The following SGCZ variants were observed in gnomAD, a reference collection of about 807,000 sequenced individuals.
SGCZ encodes the protein zeta-sarcoglycan.
In SGCZ, 40 loss-of-function variants were observed where a neutral mutation model predicts 41.3. The ratio of observed to expected loss-of-function variants is 0.97; its 90% confidence interval spans 0.75 to 1.26. SGCZ has a LOEUF of 1.26. Among genes scored for constraint, SGCZ ranks in the 50% most tolerant of loss-of-function variants. SGCZ has a pLI of 0.00. For synonymous variants in SGCZ, 206 were observed against 137.5 expected, an observed-to-expected ratio of 1.50 and a Z score of -3.49; for missense variants, 552 against 369.8, an observed-to-expected ratio of 1.49 and a Z score of -4.04.
chr8:14,530,422 T>C (rs950024863), intron 2 of SGCZ, among the ~76,000 whole-genome samples: 6 of 152,112 alleles, frequency 3.9e-5, no homozygotes, highest in Non-Finnish European at 7.4e-5. Flanking sequence ...ATCATGTTTT[T>C]ATTTGATAAT....
chr8:15,161,163 C>A (rs1799502314), intron 1 of SGCZ, among the ~76,000 whole-genome samples: 1 of 152,088 alleles, frequency 6.6e-6, no homozygotes, highest in African/African-American at 2.4e-5. Flanking sequence ...GTGGGTCCAA[C>A]CCCATTGAAC....
intron 1 of SGCZ, among the ~76,000 whole-genome samples, chr8:14,764,737 T>C (rs1405336467): frequency 6.6e-6 from 1 of 152,092 alleles, no homozygotes; most frequent in African/African-American, 2.4e-5. Flanking sequence ...TCAAGAAGAA[T>C]TAAAAACAAT....
chr8:14,712,369 A>G (rs1809548689), intron 1 of SGCZ, among the ~76,000 whole-genome samples: 1 of 152,118 alleles, frequency 6.6e-6, no homozygotes, highest in African/African-American at 2.4e-5. Flanking sequence ...CTTTCACTTA[A>G]ACCTCATGGA....
intron 2 of SGCZ, among the ~76,000 whole-genome samples, chr8:14,518,405 G>A (rs1023291258): frequency 2.6e-5 from 4 of 151,710 alleles, no homozygotes; most frequent in African/African-American, 7.3e-5. Flanking sequence ...AATAAATATC[G>A]GCCTATTTTC....
chr8:15,100,592 C>T (rs979190194), intron 1 of SGCZ, among the ~76,000 whole-genome samples: 35 of 152,234 alleles, frequency 2.3e-4, no homozygotes, highest in African/African-American at 8.2e-4. Context: ...TAGACATTAA[C>T]AAATTCAAAT....
intron 1 of SGCZ, among the ~76,000 whole-genome samples, chr8:15,033,763 T>TA (rs1323532346): frequency 2.0e-5 from 3 of 152,108 alleles, no homozygotes; most frequent in South Asian, 4.1e-4. Context: ...GACCCAGGAT[T>TA]CAGGTTGTCT....
chr8:14,277,890 C>A (rs1358748817), intron 3 of SGCZ, among the ~76,000 whole-genome samples: 1 of 151,792 alleles, frequency 6.6e-6, no homozygotes, highest in Non-Finnish European at 1.5e-5. Flanking sequence ...AGATTAACCA[C>A]CAGAGAGAGA....
At chr8:14,197,333 C>A (rs1401888387) in intron 4 of SGCZ, among the ~76,000 whole-genome samples, 2 of 151,974 alleles carry the variant, frequency 1.3e-5, no homozygotes, top group Non-Finnish European at 2.9e-5. Flanking sequence ...TACACAGCTA[C>A]AACAAGAAGG....
chr8:14,805,622 T>A (rs1801494947), intron 1 of SGCZ, among the ~76,000 whole-genome samples: 1 of 143,062 alleles, frequency 7.0e-6, no homozygotes, highest in Non-Finnish European at 1.6e-5. Context: ...CTCCCACACA[T>A]TAATAATGGG....
intron 2 of SGCZ, among the ~76,000 whole-genome samples, chr8:14,521,919 T>C (rs1453887623): frequency 6.6e-6 from 1 of 152,128 alleles, no homozygotes; most frequent in Non-Finnish European, 1.5e-5. Context: ...TACGTCAATT[T>C]AAGGAAGTTT....
intron 2 of SGCZ, among the ~76,000 whole-genome samples, chr8:14,515,016 T>C (rs1802580325): frequency 6.6e-6 from 1 of 152,016 alleles, no homozygotes; most frequent in South Asian, 2.1e-4. Context: ...TTACATCAAG[T>C]ATATTTTATA....
chr8:15,089,195 CG>C (rs1384081640), intron 1 of SGCZ, among the ~76,000 whole-genome samples: 2 of 151,908 alleles, frequency 1.3e-5, no homozygotes, highest in Non-Finnish European at 2.9e-5. Context: ...TCTAATGATT[CG>C]ATATAAAAAT....
chr8:14,677,665 G>A (rs1220714316), intron 1 of SGCZ, among the ~76,000 whole-genome samples: 2 of 152,110 alleles, frequency 1.3e-5, no homozygotes, highest in South Asian at 2.1e-4. Flanking sequence ...AAGCTACTCA[G>A]GAGGCTGAGG....
chr8:14,364,340 A>G (rs13252836), intron 2 of SGCZ, among the ~76,000 whole-genome samples: 2 of 151,986 alleles, frequency 1.3e-5, no homozygotes, highest in African/African-American at 4.8e-5. Flanking sequence ...ATTTTGCTAC[A>G]TCCCCTTCTG....
In SGCZ at chr8:15,237,461, A is replaced by C. The variant is rs75264056; in HGVS notation, c.39+124T>G. Reference sequence around the variant, plus strand: ...CTGCGCCCGGGTGCGCGTCCCCCCAACGCCCCCTCGTCGTCCCGCGGGACC... The same window carrying C: ...CTGCGCCCGGGTGCGCGTCCCCCCACCGCCCCCTCGTCGTCCCGCGGGACC... On this transcript the variant is annotated intron_variant, in intron 1 of 7. Transcript: ENST00000382080. 2.1e-3 allele frequency: 2,536 copies of C among 1,183,982 alleles called. 45 individuals carry two copies. The African/African-American group carries it at 0.032, about 15-fold the overall frequency. 73.3% of individuals were successfully genotyped at this position (1,183,982 alleles called of 1,614,324 possible).
chr8:14,146,136 T>C (rs1388017243), intron 5 of SGCZ, among the ~76,000 whole-genome samples: 3 of 152,230 alleles, frequency 2.0e-5, no homozygotes, highest in African/African-American at 7.2e-5. Flanking sequence ...GGTTAAACTC[T>C]CAAGGCATTT....
chr8:14,755,742 T>A (rs1240478500), intron 1 of SGCZ, among the ~76,000 whole-genome samples: 1 of 152,166 alleles, frequency 6.6e-6, no homozygotes, highest in African/African-American at 2.4e-5. Flanking sequence ...AGTGCCCTGA[T>A]TGCTCATAAC....
chr8:14,291,462 T>C (rs1800840311), intron 3 of SGCZ, among the ~76,000 whole-genome samples: 1 of 152,026 alleles, frequency 6.6e-6, no homozygotes. Context: ...TGACCCTAGA[T>C]TGCCAAATTT....
At chr8:14,249,736 T>C (rs1799222980) in intron 3 of SGCZ, among the ~76,000 whole-genome samples, 1 of 152,062 alleles carries the variant, frequency 6.6e-6, no homozygotes, top group Non-Finnish European at 1.5e-5. Flanking sequence ...ACTAAATAAA[T>C]GTGGGGTGGG....
Sources: gnomAD v4.1 joint callset for allele counts (sites outside exome capture counted in the v4.1 genomes callset) on GRCh38, gnomAD v4.1.1 for gene constraint, MANE v1.5 for transcripts, NCBI Gene and HGNC (gene_info 2026-07-23, HGNC 2026-07-21) for gene names.